Variants in PLEKHS1 observed in about 807,000 individuals in gnomAD.
PLEKHS1 encodes the protein pleckstrin homology domain containing S1, also known as pleckstrin homology domain-containing family S member 1.
In PLEKHS1, 55 loss-of-function variants were observed where a neutral mutation model predicts 51.0. The ratio of observed to expected loss-of-function variants is 1.08; its 90% CI spans 0.87 to 1.35. The LOEUF (loss-of-function observed/expected upper bound fraction) is 1.35, where lower values mean the gene tolerates loss of function less well. PLEKHS1 is among the 40% of genes most tolerant of loss of function. The probability of loss-of-function intolerance (pLI) is 0.00; values close to 1 mark genes in which losing one functional copy is unlikely to be tolerated. For synonymous variants in PLEKHS1, 153 were observed against 144.8 expected, an observed-to-expected ratio of 1.06 and a Z score of -0.41; for missense variants, 398 against 423.0, an observed-to-expected ratio of 0.94 and a Z score of 0.52.
At chr10:113,769,993 C>G in intron 7 of PLEKHS1, 93 bp downstream of exon 7, 1 of 894,368 alleles carries the variant, frequency 1.1e-6, no homozygotes, top group Non-Finnish European at 1.9e-6. Flanking sequence ...TTAACCATGC[C>G]CACCTTCCTC....
chr10:113,773,634 A>G (rs1844518323), intron 8 of PLEKHS1, among the ~76,000 whole-genome samples: 2 of 152,156 alleles, frequency 1.3e-5, no homozygotes, highest in Admixed American at 1.3e-4. Context: ...GCAGGGGGCC[A>G]ATGGGAAGAC....
chr10:113,761,279 T>C (rs1843914460), intron 2 of PLEKHS1, among the ~76,000 whole-genome samples: 1 of 152,150 alleles, frequency 6.6e-6, no homozygotes, highest in South Asian at 2.1e-4. Flanking sequence ...GTATTTTTGA[T>C]GATTTTGAGG....
intron 10 of PLEKHS1, 71 bp from the exon 11 acceptor site, chr10:113,775,694 C>G: frequency 1.0e-6 from 1 of 961,218 alleles, no homozygotes; most frequent in Non-Finnish European, 1.6e-6. Context: ...GGCCAAAAGT[C>G]TACTCAGAAA....
intron 7 of PLEKHS1, 89 bp downstream of exon 7, chr10:113,769,989 A>C: frequency 1.1e-6 from 1 of 919,622 alleles, no homozygotes. Flanking sequence ...GAATTTAACC[A>C]TGCCCACCTT....
chr10:113,756,362 G>A (rs1282463936), intron 2 of PLEKHS1, among the ~76,000 whole-genome samples: 2 of 152,128 alleles, frequency 1.3e-5, no homozygotes. Context: ...TCAAGAGGCT[G>A]AGGCAGGAGA....
rs781093639 is a variant in PLEKHS1, at chr10:113,755,312, G to A, written c.28+7G>A. 2.1e-5 allele frequency: 34 copies of A among 1,606,536 alleles called. No individual in the cohort carries two copies. The highest frequency in any genetic ancestry group is 1.7e-4 in the African/African-American group (13 of 74,576). The stretch of plus-strand genomic sequence containing the variant: ...AAACCTCAGAAGAGTCCAGGTACCC[G>A]AGGGGTATAATCGCAGAAGCAGAAA... On this transcript the variant is annotated splice_region_variant and intron_variant, in intron 2 of 11. Coordinates refer to ENST00000361048, the Ensembl canonical transcript of PLEKHS1.
intron 5 of PLEKHS1, among the ~76,000 whole-genome samples, chr10:113,768,583 T>C (rs1844262090): frequency 1.3e-5 from 2 of 152,220 alleles, no homozygotes; most frequent in African/African-American, 4.8e-5. Context: ...ATTACTACTA[T>C]TATTTTCTAC....
intron 2 of PLEKHS1, among the ~76,000 whole-genome samples, chr10:113,757,146 C>G (rs958403903): frequency 1.3e-5 from 2 of 152,242 alleles, no homozygotes; most frequent in East Asian, 3.9e-4. Flanking sequence ...AACGCCTGAC[C>G]TCGTGATCCA....
At chr10:113,758,383 T>C (rs1564816443) in intron 2 of PLEKHS1, among the ~76,000 whole-genome samples, 1 of 152,204 alleles carries the variant, frequency 6.6e-6, no homozygotes, top group African/African-American at 2.4e-5. Context: ...TCAGAGCTCT[T>C]GGGTGACCAG....
chr10:113,777,262 G>A lies in PLEKHS1; in HGVS notation c.1091+1396G>A. 6.2e-7 allele frequency: 1 copy of A among 1,612,800 alleles called. No homozygotes were observed. The highest frequency in any genetic ancestry group is 2.2e-5 in the East Asian group (1 of 44,882). On this transcript the variant is annotated intron_variant, in intron 11 of 11. Transcript: ENST00000361048. ...TTACCCGGTCCATCCAGAAGGAGGT[G>A]AGTCGTACTGACCAGCCCTGAACAG... is the stretch of plus-strand genomic sequence containing the variant.
exon 12 of PLEKHS1, chr10:113,780,989 A>T: frequency 1.7e-6 from 1 of 571,498 alleles, no homozygotes; most frequent in Non-Finnish European, 3.1e-6. Context: ...AACCTGGGGG[A>T]ATTGGAAGGC....
chr10:113,767,627 T>C, intron 5 of PLEKHS1, 148 bp downstream of exon 5: 1 of 876,470 alleles, frequency 1.1e-6, no homozygotes. Flanking sequence ...TTTTTAAAAA[T>C]ATCTTGAAAA....
intron 2 of PLEKHS1, chr10:113,765,386 T>C (rs1844115661): frequency 1.3e-6 from 1 of 779,360 alleles, no homozygotes; most frequent in South Asian, 1.3e-5. Flanking sequence ...CCAGTATGGC[T>C]GGAGGTAACA....
At chr10:113,772,397 A>C (rs779265099) in intron 8 of PLEKHS1, among the ~76,000 whole-genome samples, 1 of 152,168 alleles carries the variant, frequency 6.6e-6, no homozygotes, top group South Asian at 2.1e-4. Flanking sequence ...ATACATGATG[A>C]GTAAAATTTG....
chr10:113,760,036 C>T (rs1355405942), intron 2 of PLEKHS1, among the ~76,000 whole-genome samples: 2 of 152,176 alleles, frequency 1.3e-5, no homozygotes, highest in African/African-American at 4.8e-5. Context: ...TGCAGTCATA[C>T]TTCCCCAGAC....
intron 1 of PLEKHS1, among the ~76,000 whole-genome samples, chr10:113,753,897 T>C (rs765023565): frequency 5.3e-4 from 80 of 152,040 alleles, no homozygotes; most frequent in Non-Finnish European, 1.0e-3. Context: ...TACCTCTGCC[T>C]TCTGGGTTCA....
chr10:113,755,398 G>A, intron 2 of PLEKHS1, 93 bp downstream of exon 2: 1 of 1,515,752 alleles, frequency 6.6e-7, no homozygotes, highest in African/African-American at 1.4e-5. Context: ...GAACTTGGTG[G>A]TTTTTGTGTA....
At chr10:113,774,952 C>T (rs750989498) in exon 10 of PLEKHS1, 7 of 1,614,176 alleles carry the variant, frequency 4.3e-6, no homozygotes, top group Non-Finnish European at 5.9e-6. Context: ...GGTGTCTTTC[C>T]CCTGCCGATG....
At chr10:113,773,849 C>A (rs372219839) in intron 8 of PLEKHS1, among the ~76,000 whole-genome samples, 2 of 152,210 alleles carry the variant, frequency 1.3e-5, no homozygotes, top group African/African-American at 4.8e-5. Flanking sequence ...CTGAGACCAG[C>A]TTCACATTGT....
Sources: allele counts gnomAD v4.1 joint callset (sites outside exome capture counted in the v4.1 genomes callset), GRCh38; gene constraint gnomAD v4.1.1; transcripts MANE v1.5; gene names NCBI Gene and HGNC (gene_info 2026-07-23, HGNC 2026-07-21).